The following MSRA variants were observed in gnomAD, a reference collection of about 807,000 sequenced individuals.
MSRA encodes mitochondrial peptide methionine sulfoxide reductase.
Under a neutral mutation model 31.3 loss-of-function variants are expected in MSRA, and 54 were observed. That is an observed-to-expected ratio of 1.73 (90% CI 1.39 to 2.17). MSRA has a LOEUF of 2.17. Among genes scored for constraint, MSRA ranks in the 30% most tolerant of loss-of-function variants. MSRA has a pLI of 0.00. For missense variants in MSRA, 507 were observed against 300.9 expected, an observed-to-expected ratio of 1.69 and a Z score of -5.07; for synonymous variants, 169 against 116.5, an observed-to-expected ratio of 1.45 and a Z score of -2.90.
intron 3 of MSRA, among the ~76,000 whole-genome samples, chr8:10,292,835 G>C (rs1276320521): frequency 6.6e-6 from 1 of 152,154 alleles, no homozygotes; most frequent in Non-Finnish European, 1.5e-5. Flanking sequence ...CTACAGGCTG[G>C]GGACAGCAGG....
chr8:10,240,764 G>A (rs552826880), intron 2 of MSRA, among the ~76,000 whole-genome samples: 53 of 152,174 alleles, frequency 3.5e-4, no homozygotes, highest in African/African-American at 1.2e-3. Context: ...CTAGAGTAAG[G>A]CTGCAGTGGA....
At chr8:10,129,942 T>C (rs1338749152) in intron 1 of MSRA, among the ~76,000 whole-genome samples, 1 of 152,122 alleles carries the variant, frequency 6.6e-6, no homozygotes, top group Non-Finnish European at 1.5e-5. Flanking sequence ...TGACATAAAA[T>C]ATATAGAAGC....
chr8:10,409,359 G>C lies in MSRA; in HGVS notation c.544-18789G>C, dbSNP rs1808017758. On this transcript the variant is annotated intron_variant, in intron 5 of 5. Transcript: ENST00000317173. ...TTTTTCATATGCTTGTGGGCCGTTT[G>C]TTTTTAAATGAAGTTCATCTCTCCC... Among the ~76,000 whole-genome samples, 4 of 152,312 alleles carry C rather than the reference G, an allele frequency of 2.6e-5. No individual in the cohort carries two copies. In the South Asian group the frequency reaches 8.3e-4, roughly 32 times the overall value.
intron 1 of MSRA, among the ~76,000 whole-genome samples, chr8:10,173,118 C>G (rs773542995): frequency 3.3e-5 from 5 of 152,198 alleles, no homozygotes; most frequent in Non-Finnish European, 7.3e-5. Context: ...GTCTTACAGC[C>G]CTTTTTCTGT....
chr8:10,247,822 G>T (rs1797703549), intron 3 of MSRA, among the ~76,000 whole-genome samples: 1 of 152,220 alleles, frequency 6.6e-6, no homozygotes, highest in Admixed American at 6.5e-5. Context: ...CAAAAAGGCA[G>T]AGAGGAGCTA....
At chr8:10,207,362 G>GT (rs1809088157) in intron 1 of MSRA, among the ~76,000 whole-genome samples, 1 of 152,142 alleles carries the variant, frequency 6.6e-6, no homozygotes. Flanking sequence ...CTGCTATTGT[G>GT]TTTTTTGAAA....
intron 1 of MSRA, among the ~76,000 whole-genome samples, chr8:10,181,957 GA>G (rs202044544): frequency 5.3e-5 from 8 of 152,266 alleles, no homozygotes; most frequent in East Asian, 1.9e-4. Context: ...GATTAAGTAA[GA>G]AATTTTTTTT....
intron 1 of MSRA, among the ~76,000 whole-genome samples, chr8:10,055,284 C>T (rs890958015): frequency 6.6e-6 from 1 of 152,240 alleles, no homozygotes; most frequent in African/African-American, 2.4e-5. Context: ...GGACAACTTT[C>T]TAGTCGTTCT....
At chr8:10,400,378 T>TGTGTGTGTGTGTGTGTA (rs58129201) in intron 5 of MSRA, among the ~76,000 whole-genome samples, 24 of 110,370 alleles carry the variant, frequency 2.2e-4, no homozygotes, top group African/African-American at 6.9e-4. Context: ...TGTGTGTGTG[T>TGTGTGTGTGTGTGTGTA]GTGTGTAGTG....
chr8:10,328,571 G>T (rs1802512613), intron 5 of MSRA, among the ~76,000 whole-genome samples: 1 of 152,036 alleles, frequency 6.6e-6, no homozygotes, highest in Non-Finnish European at 1.5e-5. Flanking sequence ...CCTTCCCTGT[G>T]TCAGCATCTT....
chr8:10,238,482 C>T (rs1271408915), intron 2 of MSRA, among the ~76,000 whole-genome samples: 2 of 152,116 alleles, frequency 1.3e-5, no homozygotes, highest in African/African-American at 4.8e-5. Flanking sequence ...ATCCTGGGTG[C>T]TTAGAGCACT....
chr8:10,096,346 G>C, intron 1 of MSRA: 1 of 1,039,488 alleles, frequency 9.6e-7, no homozygotes, highest in South Asian at 4.5e-5. Flanking sequence ...TTTTTTGTGT[G>C]TCTTTGCTCT....
At chr8:10,195,745 A>G (rs1356869940) in intron 1 of MSRA, among the ~76,000 whole-genome samples, 1 of 152,194 alleles carries the variant, frequency 6.6e-6, no homozygotes, top group East Asian at 1.9e-4. Context: ...TATCTCCTTC[A>G]TCTCTCATGT....
chr8:10,147,500 C>G (rs192286657), intron 1 of MSRA, among the ~76,000 whole-genome samples: 177 of 152,308 alleles, frequency 1.2e-3, no homozygotes, highest in Admixed American at 8.6e-3. Context: ...GTCACAGTGT[C>G]TTTATATAAC....
At chr8:10,109,744 T>G (rs1800146397) in intron 1 of MSRA, among the ~76,000 whole-genome samples, 1 of 152,252 alleles carries the variant, frequency 6.6e-6, no homozygotes, top group African/African-American at 2.4e-5. Flanking sequence ...TTAGTTTATA[T>G]GATGAAGCAT....
At chr8:10,139,009 T>G (rs1802492595) in intron 1 of MSRA, among the ~76,000 whole-genome samples, 1 of 152,212 alleles carries the variant, frequency 6.6e-6, no homozygotes, top group Non-Finnish European at 1.5e-5. Flanking sequence ...TGTTGGGTGT[T>G]ACATTAGGCC....
intron 4 of MSRA, among the ~76,000 whole-genome samples, chr8:10,315,186 T>C (rs1400878836): frequency 1.3e-5 from 2 of 152,180 alleles, no homozygotes; most frequent in African/African-American, 4.8e-5. Context: ...CCACCAGGTT[T>C]TTCCCATGAC....
chr8:10,394,974 T>G (rs1807004083), intron 5 of MSRA, among the ~76,000 whole-genome samples: 1 of 152,198 alleles, frequency 6.6e-6, no homozygotes, highest in Non-Finnish European at 1.5e-5. Flanking sequence ...CCTTTGACAC[T>G]TGGATATGTG....
At chr8:10,423,718 G>A (rs1420865110) in intron 5 of MSRA, among the ~76,000 whole-genome samples, 2 of 152,188 alleles carry the variant, frequency 1.3e-5, no homozygotes, top group African/African-American at 4.8e-5. Flanking sequence ...GACTGAACCT[G>A]CCCATGGAAC....
Sources: allele counts gnomAD v4.1 joint callset (sites outside exome capture counted in the v4.1 genomes callset), GRCh38; gene constraint gnomAD v4.1.1; transcripts MANE v1.5; gene names NCBI Gene and HGNC (gene_info 2026-07-23, HGNC 2026-07-21).